The following NEB variants were observed in gnomAD, a reference collection of about 807,000 sequenced individuals.
NEB encodes the protein nemaline myopathy type 2.
A neutral mutation model predicts 952.2 loss-of-function variants in NEB; 512 were observed. The ratio of observed to expected loss-of-function variants is 0.54; its 90% CI spans 0.50 to 0.58. The LOEUF (loss-of-function observed/expected upper bound fraction) is 0.58. NEB is among the 20% of genes least tolerant of loss of function. The pLI is 0.00. For synonymous variants in NEB, 2,900 were observed against 3,149.8 expected (o/e 0.92, Z 2.66); for missense variants, 8,428 against 9,231.1 (o/e 0.91, Z 3.56).
Position 151,662,122 on chromosome 2 carries a change from T to C in NEB, c.5970+13A>G, listed in dbSNP as rs751222116. ...CTGATGCATATGAAACACTGCATTATTGAAAGACTTACTTCGTTCATAATT... is the reference window on the plus strand; with the variant it reads ...CTGATGCATATGAAACACTGCATTACTGAAAGACTTACTTCGTTCATAATT... On this transcript the variant is annotated intron_variant, in intron 46 of 181. Coordinates refer to ENST00000397345, the MANE Select transcript of NEB (RefSeq NM_001164508.2). 1 of 1,601,386 alleles carries C rather than the reference T, an allele frequency of 6.2e-7. No homozygotes were observed. Among genetic ancestry groups the C allele is most frequent in the East Asian group, 2.2e-5 (1 of 44,810 alleles).
chr2:151,614,722 A>G, intron 76 of NEB, 135 bp from the exon 77 acceptor site: 4 of 1,124,334 alleles, frequency 3.6e-6, no homozygotes, highest in East Asian at 2.6e-5. Context: ...CATCAACCCT[A>G]TTTTTAAAAG....
Position 151,485,900 on chromosome 2 carries a change from C to A in NEB, c.25438G>T (p.Ala8480Ser), listed in dbSNP as rs1426472932. The change falls in exon 182 of 182, where the codon GCT becomes TCT. Residue 8480 changes from alanine to serine, a missense_variant. By Grantham distance (99) the Ala-to-Ser change is moderately conservative. This residue lies in a region of NEB where 3,374 missense variants were observed against 3,651.5 expected (regional missense o/e 0.92). Transcript: ENST00000397345. The part of the protein sequence containing the change: ...IFRAMYDYMA[A>S]DADEVSFKDG... ...TTGAAGGACACCTCATCTGCATCAG[C>A]AGCCATATAGTCATACATGGCACGG... 4 of 1,613,842 alleles carry A rather than the reference C, an allele frequency of 2.5e-6. No individual in the cohort carries two copies. Among genetic ancestry groups the A allele is most frequent in the African/African-American group, 2.7e-5 (2 of 74,934 alleles).
Position 151,717,403 on chromosome 2 carries a change from T to C in NEB, c.822+13A>G, listed in dbSNP as rs1057523586. ...TCTTCAAGGGAGGCAATGTCCCAGC[T>C]CTATTTACTTACCTTGCTCACTTGA... On this transcript the variant is annotated intron_variant, in intron 10 of 181. Coordinates refer to ENST00000397345, the MANE Select transcript of NEB (RefSeq NM_001164508.2). 1.9e-6 allele frequency: 3 copies of C among 1,574,974 alleles called. No homozygotes were observed. The highest frequency in any genetic ancestry group is 1.7e-4 in the Middle Eastern group (1 of 5,984).
At chr2:151,709,545 TCC>T in intron 12 of NEB, 109 bp downstream of exon 12, 1 of 746,908 alleles carries the variant, frequency 1.3e-6, no homozygotes, top group South Asian at 1.8e-5. Context: ...CCCTGGTAGT[TCC>T]CCCAAGAACC....
rs1476045797 is a variant in NEB, at chr2:151,509,083, TC to T, written c.23347-975del. Among the ~76,000 whole-genome samples the T allele has an allele frequency of 2.0e-5, 3 of 152,324 alleles. No individual in the cohort carries two copies. The East Asian group carries it at 5.8e-4, about 29-fold the overall frequency. On this transcript the variant is annotated intron_variant, in intron 161 of 181. Coordinates refer to ENST00000397345, the MANE Select transcript of NEB (RefSeq NM_001164508.2). ...ACTGTTATAATGGGGATAAAACTAT[TC>T]TGTCTGTCTCTATGTACTTTGTTAA... is the stretch of plus-strand genomic sequence containing the variant.
intron 127 of NEB, 127 bp from the exon 128 acceptor site, chr2:151,552,903 G>A (rs2095421829): frequency 9.6e-6 from 6 of 628,260 alleles, no homozygotes; most frequent in South Asian, 7.9e-5. Context: ...TCAACAGACC[G>A]AGATGCATTT....
chr2:151,505,558 C>T lies in NEB; in HGVS notation c.23662G>A (p.Glu7888Lys), dbSNP rs533393621. The T allele has an allele frequency of 1.1e-5, 18 of 1,613,266 alleles. 1 individual carries two copies. The South Asian group carries it at 1.8e-4, about 16-fold the overall frequency. ...ATTGGAGTTCCTTGTCCTATTGCTT[C>T]CTTATACTTCACCTGCAGATTTAAA... ...QDHISSVKYK[E>K]AIGQGTPIPD... is the part of the protein sequence containing the mutation. The change falls in exon 165 of 182, where the codon GAA becomes AAA. Residue 7888 changes from glutamate to lysine, a missense_variant. Physicochemically the swap from Glu to Lys is moderately conservative, Grantham distance 56. Transcript: ENST00000397345.
chr2:151,576,826 C>T (rs890376094), intron 105 of NEB, among the ~76,000 whole-genome samples: 2 of 151,948 alleles, frequency 1.3e-5, no homozygotes, highest in Non-Finnish European at 2.9e-5. Flanking sequence ...TGAGCCACTA[C>T]GCCAGGCCTC....
chr2:151,511,827 T>G (rs1053695248), intron 161 of NEB, among the ~76,000 whole-genome samples: 3 of 152,230 alleles, frequency 2.0e-5, no homozygotes, highest in Non-Finnish European at 4.4e-5. Context: ...CAGTCTTGTT[T>G]GAGATTGGTA....
intron 154 of NEB, 103 bp downstream of exon 154, chr2:151,519,555 G>T: frequency 1.2e-6 from 1 of 845,866 alleles, no homozygotes; most frequent in Non-Finnish European, 1.9e-6. Context: ...ACAGTAGTTG[G>T]ATAATATTGT....
rs767734665 is a variant in NEB at position 151,646,179 on chromosome 2, T to C, written c.7487A>G (p.Asp2496Gly). Residue 2496 changes from aspartate to glycine, a missense_variant, in exon 55 of 182, where the codon GAT becomes GGT. Transcript: ENST00000397345. ...TTTAGCCAGAACAATGTCAGGTGTA[T>C]CAGGCATGATGTGGATCTGAGTCTT... is the stretch of plus-strand genomic sequence containing the variant. ...KDKTQIHIMP[D>G]TPDIVLAKAN... 2 of 1,604,770 alleles carry C rather than the reference T, an allele frequency of 1.2e-6. No individual in the cohort carries two copies. Among genetic ancestry groups the C allele is most frequent in the Admixed American group, 3.4e-5 (2 of 59,018 alleles).
chr2:151,622,125 C>T (rs747414141), intron 71 of NEB, among the ~76,000 whole-genome samples: 1 of 152,074 alleles, frequency 6.6e-6, no homozygotes, highest in African/African-American at 2.4e-5. Flanking sequence ...CTCAGCCACC[C>T]GAGTAGCTGG....
intron 13 of NEB, among the ~76,000 whole-genome samples, chr2:151,702,195 C>T (rs2149594977): frequency 6.7e-6 from 1 of 149,444 alleles, no homozygotes; most frequent in African/African-American, 2.5e-5. Context: ...ATTCTTAATC[C>T]TGAGTTCTAG....
intron 86 of NEB, 28 bp downstream of exon 86, chr2:151,603,540 GT>G: frequency 1.3e-6 from 2 of 1,511,076 alleles, no homozygotes; most frequent in Non-Finnish European, 1.8e-6. Flanking sequence ...TCTTCCATTT[GT>G]CTGAAAACAT....
rs1209472445 is a variant in NEB at position 151,690,776 on chromosome 2, T to A, written c.2261A>T (p.Asp754Val). The change falls in exon 24 of 182, where the codon GAT (aspartate) becomes GTT (valine). Residue 754 changes from aspartate (D) to valine (V), a missense_variant. By Grantham distance (152) the Asp-to-Val change is radical. Coordinates refer to ENST00000397345, the MANE Select transcript of NEB (RefSeq NM_001164508.2). ...CTGGGCTTGCAACAGTACAGGAGAA[T>A]CAGTGACTGCCGTGAATTTGGTCTT... ...PDKTKFTAVT[D>V]SPVLLQAQLN... is the part of the protein sequence containing the mutation. 6.3e-7 allele frequency: 1 copy of A among 1,599,542 alleles called. No individual in the cohort carries two copies. Among genetic ancestry groups the A allele is most frequent in the African/African-American group, 1.3e-5 (1 of 74,870 alleles).
Position 151,724,351 on chromosome 2 carries a change from T to A in NEB, c.521A>T (p.Gln174Leu). The change falls in exon 8 of 182, where the codon CAG (glutamine) becomes CTG (leucine). Residue 174 changes from glutamine to leucine, a missense_variant. Coordinates refer to ENST00000397345, the MANE Select transcript of NEB (RefSeq NM_001164508.2). ...CTTATCCTTGGTGTCTTCCCAGTTC[T>A]GCTTGTATAAAACCTAGACAGAAGG... is the stretch of plus-strand genomic sequence containing the variant. ...SQQVSKVLYK[Q>L]NWEDTKDKYL... 6.2e-7 allele frequency: 1 copy of A among 1,611,148 alleles called. No individual in the cohort carries two copies. Among genetic ancestry groups the A allele is most frequent in the Non-Finnish European group, 8.5e-7 (1 of 1,178,616 alleles).
At position 151,618,471 on chromosome 2, in the gene NEB, T is replaced by C. The variant is rs573537251; in HGVS notation, c.10880A>G (p.Tyr3627Cys). Residue 3627 changes from tyrosine (Y) to cysteine (C), a missense_variant, in exon 74 of 182, where the codon TAT becomes TGT. Physicochemically the swap from Tyr to Cys is radical, Grantham distance 194 (BLOSUM62 -2). Coordinates refer to ENST00000397345, the MANE Select transcript of NEB (RefSeq NM_001164508.2). ...TTTCATCCATTCAAGGTCTGACTTA[T>C]ACAAATTCTGCAGATCAACAGATAA... ...KAYDLQSDNLYKSDLEWMKGI... is the reference protein window; with the variant it reads ...KAYDLQSDNLCKSDLEWMKGI... The C allele has an allele frequency of 4.3e-6, 7 of 1,613,278 alleles. No individual in the cohort carries two copies. The highest frequency in any genetic ancestry group is 4.5e-5 in the East Asian group (2 of 44,838).
intron 3 of NEB, among the ~76,000 whole-genome samples, chr2:151,731,804 G>A (rs1405071173): frequency 6.6e-6 from 1 of 152,068 alleles, no homozygotes; most frequent in Non-Finnish European, 1.5e-5. Flanking sequence ...ATTATCATAG[G>A]GAAGACAATT....
At chr2:151,651,301 G>T (rs1292644981) in intron 52 of NEB, among the ~76,000 whole-genome samples, 1 of 152,184 alleles carries the variant, frequency 6.6e-6, no homozygotes, top group African/African-American at 2.4e-5. Flanking sequence ...GCTAGATATT[G>T]TGTATTCTGA....
Sources: allele counts gnomAD v4.1 joint callset (sites outside exome capture counted in the v4.1 genomes callset), GRCh38; gene constraint gnomAD v4.1.1; regional missense constraint gnomAD v4.1.1; transcripts MANE v1.5; gene names NCBI Gene and HGNC (gene_info 2026-07-23, HGNC 2026-07-21).